Variants in BRD4 observed in about 807,000 individuals in gnomAD.
BRD4 encodes bromodomain containing 4, also known as bromodomain-containing protein 4.
Under a neutral mutation model 142.1 loss-of-function variants are expected in BRD4, and 16 were observed. The observed-to-expected ratio is 0.11, with a 90% confidence interval of 0.08 to 0.17. The LOEUF (loss-of-function observed/expected upper bound fraction) is 0.17, where lower values mean the gene tolerates loss of function less well. Among genes scored for constraint, BRD4 ranks in the 10% least tolerant of loss-of-function variants. The pLI is 1.00. For synonymous variants in BRD4, 833 were observed against 707.5 expected (o/e 1.18, Z -2.82); for missense variants, 1,424 against 1,810.9 (o/e 0.79, Z 3.88).
chr19:15,257,241 T>C (rs1032508400), intron 7 of BRD4, 68 bp from the exon 8 acceptor site: 30 of 1,429,062 alleles, frequency 2.1e-5, no homozygotes, highest in Non-Finnish European at 2.8e-5. Flanking sequence ...TCACCTGCCC[T>C]CATTGGCTGC....
intron 1 of BRD4, among the ~76,000 whole-genome samples, chr19:15,273,374 G>C (rs1216043025): frequency 6.6e-6 from 1 of 152,212 alleles, no homozygotes; most frequent in African/African-American, 2.4e-5. Flanking sequence ...GTGAGGTGGT[G>C]AGAGCCCACT....
chr19:15,330,957 TTA>T (rs1345688075), intron 1 of BRD4, among the ~76,000 whole-genome samples: 1 of 152,068 alleles, frequency 6.6e-6, no homozygotes, highest in African/African-American at 2.4e-5. Flanking sequence ...AGCCACTGGC[TTA>T]CGAGGTAAAC....
At chr19:15,304,439 C>A (rs2047896665) in intron 1 of BRD4, among the ~76,000 whole-genome samples, 1 of 152,138 alleles carries the variant, frequency 6.6e-6, no homozygotes. Context: ...GCTTTCATTT[C>A]TATAATAAAT....
chr19:15,327,443 T>G (rs866824390), intron 1 of BRD4, among the ~76,000 whole-genome samples: 1 of 151,990 alleles, frequency 6.6e-6, no homozygotes, highest in Non-Finnish European at 1.5e-5. Flanking sequence ...ACTTGGGAGG[T>G]TGAAGCAGGA....
At chr19:15,255,622 G>A in intron 9 of BRD4, 30 bp from the exon 10 acceptor site, 1 of 1,566,258 alleles carries the variant, frequency 6.4e-7, no homozygotes. Context: ...ACACCATCAA[G>A]AACGGGCCCC....
chr19:15,281,095 G>A (rs572872802), intron 1 of BRD4, among the ~76,000 whole-genome samples: 1 of 152,350 alleles, frequency 6.6e-6, no homozygotes, highest in African/African-American at 2.4e-5. Flanking sequence ...ACTGGCTCAG[G>A]CAGCTGGTGA....
rs183051820 is a variant in BRD4 at position 15,259,894 on chromosome 19, T to C, written c.1342-2721A>G. Among the ~76,000 whole-genome samples the C allele has an allele frequency of 8.1e-4, 124 of 152,314 alleles. 1 individual carries two copies. Among genetic ancestry groups the C allele is most frequent in the African/African-American group, 2.3e-3 (96 of 41,562 alleles). ...GTGAAAAGAACACAGTCAGGGGTGC[T>C]ATGGGGCCAGCAAGAGGACAGTAAA... On this transcript the variant is annotated intron_variant, in intron 7 of 19. Coordinates refer to ENST00000679869, the MANE Select transcript of BRD4 (RefSeq NM_001379291.1).
In BRD4 at chr19:15,246,039, GAC is replaced by G. The variant is rs2047282851; in HGVS notation, c.2159-1279_2159-1278del. Reference sequence around the variant, plus strand: ...GAGCTCACCACTCCACGCCAGACAAGACACAGACACAGACCTCAGCAGCTACA... The same window carrying G: ...GAGCTCACCACTCCACGCCAGACAAGACAGACACAGACCTCAGCAGCTACA... On this transcript the variant is annotated intron_variant, in intron 11 of 19. Coordinates refer to ENST00000679869, the MANE Select transcript of BRD4 (RefSeq NM_001379291.1). Among the ~76,000 whole-genome samples the G allele has an allele frequency of 3.3e-5, 5 of 152,200 alleles. No homozygotes were observed. The South Asian group carries it at 1.0e-3, about 31-fold the overall frequency.
rs896843872 is a variant in BRD4 at position 15,238,080 on chromosome 19, C to T, written c.*297G>A. The T allele has an allele frequency of 2.2e-6, 1 of 450,012 alleles. No individual in the cohort carries two copies. The highest frequency in any genetic ancestry group is 4.0e-6 in the Non-Finnish European group (1 of 247,116). The allele number at this position is 450,012 out of a possible 1,614,324, so 27.9% of individuals were successfully genotyped here. On this transcript the variant is annotated 3_prime_UTR_variant, in exon 20 of 20. Transcript: ENST00000679869. This position sits in a 1 kb window ranked among gnomAD's most constrained non-coding sequence, Gnocchi z 7.2. ...CATTTGGCGGAGAGAAGGGCCTCTG[C>T]CCCGCATGTGGGGATGCAGGGCTTG... is the stretch of plus-strand genomic sequence containing the variant.
chr19:15,293,336 G>A (rs1016759828), intron 1 of BRD4, among the ~76,000 whole-genome samples: 5 of 152,124 alleles, frequency 3.3e-5, no homozygotes, highest in Admixed American at 6.5e-5. Context: ...GGGTGGCACC[G>A]GGTAAGGCCA....
At chr19:15,311,885 T>A (rs193012556) in intron 1 of BRD4, among the ~76,000 whole-genome samples, 1 of 152,072 alleles carries the variant, frequency 6.6e-6, no homozygotes, top group African/African-American at 2.4e-5. Flanking sequence ...GTCAAACTCA[T>A]AGAAACAGAA....
At chr19:15,296,336 T>C (rs1316116381) in intron 1 of BRD4, among the ~76,000 whole-genome samples, 1 of 152,234 alleles carries the variant, frequency 6.6e-6, no homozygotes, top group Non-Finnish European at 1.5e-5. Context: ...CTTCTTTATA[T>C]ACCAGTAATG....
At chr19:15,263,676 C>T (rs1031109318) in intron 6 of BRD4, 128 bp from the exon 7 acceptor site, 91 of 1,212,526 alleles carry the variant, frequency 7.5e-5, no homozygotes, top group Non-Finnish European at 9.9e-5. Flanking sequence ...GGTCAAGACT[C>T]TAGTGGGGGG....
At position 15,243,208 on chromosome 19, in the gene BRD4, G is replaced by A; in HGVS notation, c.2861C>T (p.Pro954Leu). 1 of 812,168 alleles carries A rather than the reference G, an allele frequency of 1.2e-6. No homozygotes were observed. 50.3% of individuals were successfully genotyped at this position (812,168 alleles called of 1,614,324 possible). ...GGGTGGGGGCGGCAGGGGGGGTGGGGGCTGGGACTGCACCTTCACGGAAGG... is the reference window on the plus strand; with the variant it reads ...GGGTGGGGGCGGCAGGGGGGGTGGGAGCTGGGACTGCACCTTCACGGAAGG... ...LLPSVKVQSQ[P>L]PPPLPPPPHP... Residue 954 changes from proline to leucine, a missense_variant, in exon 14 of 20, where the codon CCC (proline) becomes CTC (leucine). This residue lies in a region of BRD4 where 598 missense variants were observed against 647.8 expected (regional missense o/e 0.92). Transcript: ENST00000679869.
intron 3 of BRD4, 124 bp from the exon 4 acceptor site, chr19:15,267,675 C>G (rs968145633): frequency 9.0e-7 from 1 of 1,105,304 alleles, no homozygotes; most frequent in African/African-American, 1.6e-5. Flanking sequence ...GGGTCCTTCC[C>G]CGATCTGCAC....
intron 4 of BRD4, 48 bp from the exon 5 acceptor site, chr19:15,265,691 C>T: frequency 1.9e-6 from 3 of 1,602,262 alleles, no homozygotes; most frequent in Non-Finnish European, 2.6e-6. Context: ...CTGACATCCA[C>T]ATGCTGGCTG....
At chr19:15,294,167 T>C (rs1304890635) in intron 1 of BRD4, among the ~76,000 whole-genome samples, 1 of 152,256 alleles carries the variant, frequency 6.6e-6, no homozygotes, top group East Asian at 1.9e-4. Context: ...AATGTAATGA[T>C]TTTCTCATAC....
chr19:15,310,696 T>C (rs1320918369), intron 1 of BRD4, among the ~76,000 whole-genome samples: 2 of 150,630 alleles, frequency 1.3e-5, no homozygotes, highest in African/African-American at 4.9e-5. Flanking sequence ...GGTTTCACCA[T>C]ACTGGCCAGG....
Position 15,239,713 on chromosome 19 carries a change from G to A in BRD4, c.3391C>T (p.Pro1131Ser), listed in dbSNP as rs2145501980. The A allele has an allele frequency of 6.3e-7, 1 of 1,597,696 alleles. No individual in the cohort carries two copies. Among genetic ancestry groups the A allele is most frequent in the African/African-American group, 1.3e-5 (1 of 74,698 alleles). The change falls in exon 16 of 20, where the codon CCG becomes TCG. Residue 1131 changes from proline to serine, a missense_variant. Around this residue, in one of 16 missense-constraint regions of BRD4, gnomAD observed 598 missense variants for 647.8 expected, o/e 0.92. Coordinates refer to ENST00000679869, the MANE Select transcript of BRD4 (RefSeq NM_001379291.1). The surrounding 1 kb of genome is among the most constrained non-coding windows in gnomAD (Gnocchi z 7.4). ...RSEPFSPSLR[P>S]EPPKHPESIK... ...CTCTCCGGGTGCTTGGGGGGCTCCG[G>A]CCGCAGCGAGGGGCTGAAGGGCTCG...
Sources: gnomAD v4.1 joint callset for allele counts (sites outside exome capture counted in the v4.1 genomes callset) on GRCh38, gnomAD v4.1.1 for gene constraint, gnomAD v4.1.1 regional missense constraint, Gnocchi (gnomAD v3.1) non-coding constraint, MANE v1.5 for transcripts, NCBI Gene and HGNC (gene_info 2026-07-23, HGNC 2026-07-21) for gene names.